USH2A: variants seen among roughly 807,000 people sequenced by gnomAD.
The protein encoded by USH2A is usherin.
USH2A carries 443 observed loss-of-function variants against 538.9 expected under a neutral mutation model. The ratio of observed to expected loss-of-function variants is 0.82; its 90% confidence interval spans 0.76 to 0.89. The LOEUF is 0.89. Ranked by LOEUF, USH2A falls within the 40% of genes least tolerant of loss-of-function variation. The pLI is 0.00. For synonymous variants in USH2A, 2,413 were observed against 2,273.5 expected (o/e 1.06, Z -1.75); for missense variants, 6,633 against 6,324.8 (o/e 1.05, Z -1.65).
intron 27 of USH2A, among the ~76,000 whole-genome samples, chr1:216,074,846 CT>C (rs1330325146): frequency 6.6e-6 from 1 of 152,110 alleles, no homozygotes. Context: ...CAAACAAGTG[CT>C]GTTATAAGAA....
intron 64 of USH2A, among the ~76,000 whole-genome samples, chr1:215,659,158 G>T (rs763021682): frequency 1.3e-5 from 2 of 152,186 alleles, no homozygotes; most frequent in Non-Finnish European, 2.9e-5. Context: ...AGATTGTAGG[G>T]TGATATACAT....
intron 44 of USH2A, among the ~76,000 whole-genome samples, chr1:215,861,626 A>G (rs1664315939): frequency 6.6e-6 from 1 of 152,160 alleles, no homozygotes; most frequent in South Asian, 2.1e-4. Flanking sequence ...AAAGAGAACA[A>G]GTAGGCACAC....
intron 32 of USH2A, among the ~76,000 whole-genome samples, chr1:216,030,064 GATATATA>G (rs1029898694): frequency 1.4e-5 from 2 of 142,420 alleles, no homozygotes; most frequent in African/African-American, 5.1e-5. Flanking sequence ...ATATATCACA[GATATATA>G]ATATATGATA....
intron 4 of USH2A, among the ~76,000 whole-genome samples, chr1:216,337,046 G>GT (rs1458345134): frequency 6.6e-6 from 1 of 151,444 alleles, no homozygotes; most frequent in Non-Finnish European, 1.5e-5. Flanking sequence ...ACAGTCACAA[G>GT]TAAGAGCTAC....
chr1:216,357,733 A>G (rs7539597), intron 4 of USH2A, among the ~76,000 whole-genome samples: 59,191 of 152,048 alleles, frequency 0.39, 12,825 homozygotes, highest in African/African-American at 0.6. Context: ...GTTGATAAAC[A>G]AGTTCAGAAA....
chr1:216,249,413 T>C (rs1452370545), intron 12 of USH2A, among the ~76,000 whole-genome samples: 4 of 152,120 alleles, frequency 2.6e-5, no homozygotes, highest in African/African-American at 7.2e-5. Flanking sequence ...AAGTAATTAT[T>C]TCACTGTCTT....
chr1:215,861,867 G>A (rs1477019226), intron 44 of USH2A, among the ~76,000 whole-genome samples: 2 of 124,436 alleles, frequency 1.6e-5, no homozygotes, highest in African/African-American at 3.1e-5. Flanking sequence ...TTGAGACAGA[G>A]TCTCACTCTG....
chr1:216,284,303 T>C lies in USH2A; in HGVS notation c.1971+4977A>G, dbSNP rs372266987. Among the ~76,000 whole-genome samples the C allele has an allele frequency of 4.1e-4, 63 of 152,282 alleles. 1 individual carries two copies. The South Asian group carries it at 9.5e-3, about 23-fold the overall frequency. The stretch of plus-strand genomic sequence containing the variant: ...GAACCAGGTGGAGATAATTGAATCA[T>C]GAGGGGCAGTTTCTCCCATCCTATT... On this transcript the variant is annotated intron_variant, in intron 11 of 71. Coordinates refer to ENST00000307340, the MANE Select transcript of USH2A (RefSeq NM_206933.4).
At chr1:216,278,949 A>G (rs1479222517) in intron 11 of USH2A, among the ~76,000 whole-genome samples, 1 of 152,158 alleles carries the variant, frequency 6.6e-6, no homozygotes, top group East Asian at 1.9e-4. Flanking sequence ...AGAACAATCA[A>G]TTTTCATGAG....
intron 61 of USH2A, among the ~76,000 whole-genome samples, chr1:215,694,068 A>C (rs1363754262): frequency 2.0e-5 from 3 of 152,182 alleles, no homozygotes; most frequent in Non-Finnish European, 4.4e-5. Flanking sequence ...TATTAGAAAG[A>C]CATTTAGGGT....
chr1:216,010,737 C>T (rs527806485), intron 32 of USH2A, among the ~76,000 whole-genome samples: 1,700 of 151,738 alleles, frequency 0.011, 29 homozygotes, highest in African/African-American at 0.039. Context: ...TTAGTTATCC[C>T]CACCTGCCCA....
At position 215,798,995 on chromosome 1, in the gene USH2A, A is replaced by G. The variant is rs777030678; in HGVS notation, c.9870T>C (p.His3290=). Residue 3290 remains histidine (H), a synonymous_variant, in exon 50 of 72, where the codon CAT becomes CAC. Transcript: ENST00000307340. The part of the protein sequence containing the change: ...ICCAGRLHDG[H]GQKCCGRQIV... The stretch of plus-strand genomic sequence containing the variant: ...TCTGTCTGCCACAGCACTTCTGGCC[A>G]TGGCCATCATGAAGCCTCCCAGCAC... The G allele has an allele frequency of 2.0e-5, 33 of 1,613,996 alleles. No homozygotes were observed. Among genetic ancestry groups the G allele is most frequent in the Non-Finnish European group, 2.7e-5 (32 of 1,180,006 alleles).
intron 21 of USH2A, among the ~76,000 whole-genome samples, chr1:216,164,104 C>T (rs1419544454): frequency 6.6e-6 from 1 of 152,032 alleles, no homozygotes; most frequent in East Asian, 1.9e-4. Flanking sequence ...GGTTAGGAAT[C>T]ATTCTTGTGT....
intron 34 of USH2A, among the ~76,000 whole-genome samples, chr1:215,996,071 C>G (rs11807722): frequency 6.6e-6 from 1 of 152,024 alleles, no homozygotes; most frequent in African/African-American, 2.4e-5. Context: ...GCACCACACC[C>G]GGCTATTCTT....
chr1:216,293,258 T>A (rs999868633), intron 9 of USH2A, among the ~76,000 whole-genome samples: 1 of 152,158 alleles, frequency 6.6e-6, no homozygotes, highest in Admixed American at 6.5e-5. Flanking sequence ...TCTCCTGACC[T>A]CGTGTTCTGC....
At chr1:215,766,494 G>A (rs1410667819) in intron 56 of USH2A, among the ~76,000 whole-genome samples, 187 bp downstream of exon 56, 5 of 152,026 alleles carry the variant, frequency 3.3e-5, no homozygotes, top group African/African-American at 7.2e-5. Context: ...AATTGAAAGC[G>A]AACTGACCTT....
At chr1:215,927,877 T>G (rs1193809958) in intron 38 of USH2A, among the ~76,000 whole-genome samples, 1 of 152,152 alleles carries the variant, frequency 6.6e-6, no homozygotes, top group Admixed American at 6.6e-5. Context: ...ATTATGTATT[T>G]TTACACTGTT....
At chr1:216,149,212 A>G (rs1183940683) in intron 21 of USH2A, among the ~76,000 whole-genome samples, 1 of 152,144 alleles carries the variant, frequency 6.6e-6, no homozygotes, top group Non-Finnish European at 1.5e-5. Flanking sequence ...CGCTGCTTTA[A>G]TACTGTTAGA....
chr1:215,630,393 C>A (rs1183853728), intron 70 of USH2A: 6 of 399,330 alleles, frequency 1.5e-5, no homozygotes, highest in Middle Eastern at 4.8e-4. Context: ...AGGATACATA[C>A]CTGCATATGT....
Sources: allele counts gnomAD v4.1 joint callset (sites outside exome capture counted in the v4.1 genomes callset), GRCh38; gene constraint gnomAD v4.1.1; transcripts MANE v1.5; gene names NCBI Gene and HGNC (gene_info 2026-07-23, HGNC 2026-07-21).